CNTLN: variants seen among roughly 807,000 people sequenced by gnomAD.
The protein encoded by CNTLN is centlein.
In CNTLN, 212 loss-of-function variants were observed where a neutral mutation model predicts 180.0. The ratio of observed to expected loss-of-function variants is 1.18; its 90% CI spans 1.05 to 1.32. The LOEUF (loss-of-function observed/expected upper bound fraction) is 1.32. CNTLN is among the 40% of genes most tolerant of loss of function. CNTLN has a pLI of 0.00. For missense variants in CNTLN, 2,095 were observed against 1,610.9 expected, an observed-to-expected ratio of 1.30 and a Z score of -5.14; for synonymous variants, 722 against 563.1, an observed-to-expected ratio of 1.28 and a Z score of -3.99.
At chr9:17,428,450 A>G (rs1424711078) in intron 18 of CNTLN, among the ~76,000 whole-genome samples, 2 of 152,224 alleles carry the variant, frequency 1.3e-5, no homozygotes, top group Admixed American at 6.5e-5. Context: ...ATTAACTTGT[A>G]TAAGTTCATA....
At chr9:17,295,188 C>T (rs1817787549) in intron 6 of CNTLN, among the ~76,000 whole-genome samples, 1 of 152,036 alleles carries the variant, frequency 6.6e-6, no homozygotes. Flanking sequence ...TGCACGCAGC[C>T]CCAGTTCCCG....
intron 14 of CNTLN, among the ~76,000 whole-genome samples, chr9:17,388,862 A>C (rs2133669406): frequency 6.6e-6 from 1 of 151,952 alleles, no homozygotes; most frequent in Non-Finnish European, 1.5e-5. Flanking sequence ...TACCTTTATA[A>C]TTTTATACTT....
intron 23 of CNTLN, among the ~76,000 whole-genome samples, chr9:17,469,658 A>C (rs1831947960): frequency 1.3e-5 from 2 of 151,828 alleles, no homozygotes; most frequent in South Asian, 4.2e-4. Flanking sequence ...CTGAAGTCTA[A>C]TCTTCTTTCC....
chr9:17,356,063 CAAAA>C (rs71492915), intron 12 of CNTLN, among the ~76,000 whole-genome samples: 95 of 19,602 alleles, frequency 4.8e-3, no homozygotes, highest in Non-Finnish European at 8.3e-3. Flanking sequence ...GACTCCATCT[CAAAA>C]AAAAAAAAAA....
At chr9:17,390,235 CT>C (rs35329298) in intron 14 of CNTLN, among the ~76,000 whole-genome samples, 17 of 77,408 alleles carry the variant, frequency 2.2e-4, no homozygotes, top group South Asian at 1.1e-3. Context: ...AAAAGAGCCT[CT>C]TTTTTTTTTT....
chr9:17,307,550 G>A (rs1457347179), intron 7 of CNTLN, among the ~76,000 whole-genome samples: 2 of 152,056 alleles, frequency 1.3e-5, no homozygotes, highest in African/African-American at 2.4e-5. Flanking sequence ...GATTACAGGC[G>A]TGAGCCACCT....
At chr9:17,158,238 A>G (rs1819434373) in intron 2 of CNTLN, among the ~76,000 whole-genome samples, 1 of 152,172 alleles carries the variant, frequency 6.6e-6, no homozygotes, top group Admixed American at 6.5e-5. Flanking sequence ...TTGCATCTGT[A>G]GGATAAATTC....
intron 8 of CNTLN, among the ~76,000 whole-genome samples, chr9:17,319,292 C>G (rs1819748011): frequency 6.6e-6 from 1 of 152,166 alleles, no homozygotes; most frequent in African/African-American, 2.4e-5. Context: ...TAGTTATTAT[C>G]CTAATTCAGT....
At chr9:17,222,316 C>A (rs1824188868) in intron 2 of CNTLN, among the ~76,000 whole-genome samples, 1 of 152,008 alleles carries the variant, frequency 6.6e-6, no homozygotes, top group Non-Finnish European at 1.5e-5. Context: ...AAGATATCAA[C>A]TACTGACCTT....
At chr9:17,200,847 G>C (rs1822473147) in intron 2 of CNTLN, among the ~76,000 whole-genome samples, 1 of 152,070 alleles carries the variant, frequency 6.6e-6, no homozygotes, top group Non-Finnish European at 1.5e-5. Flanking sequence ...TGATTGCCCT[G>C]GCCAGATCTT....
intron 25 of CNTLN, among the ~76,000 whole-genome samples, chr9:17,488,140 T>G (rs1296345542): frequency 6.6e-6 from 1 of 152,166 alleles, no homozygotes. Flanking sequence ...TTTCCGTGCT[T>G]TTAGTAAAGT....
intron 5 of CNTLN, among the ~76,000 whole-genome samples, chr9:17,251,179 C>T (rs1826118582): frequency 6.6e-6 from 1 of 151,880 alleles, no homozygotes. Flanking sequence ...AAGATTGTCT[C>T]TTTTTTGTAG....
intron 2 of CNTLN, among the ~76,000 whole-genome samples, chr9:17,178,736 G>C (rs1030669942): frequency 6.6e-6 from 1 of 151,980 alleles, no homozygotes; most frequent in African/African-American, 2.4e-5. Flanking sequence ...CAAGGGTTGC[G>C]GGCAGCCCCA....
rs984148484 is a variant in CNTLN, at chr9:17,153,039, G to A, written c.449+9663G>A. Among the ~76,000 whole-genome samples the A allele has an allele frequency of 2.6e-5, 4 of 151,980 alleles. No homozygotes were observed. In the East Asian group the frequency reaches 7.7e-4, roughly 29 times the overall value. On this transcript the variant is annotated intron_variant, in intron 2 of 25. Coordinates refer to ENST00000380647, the MANE Select transcript of CNTLN (RefSeq NM_017738.4). ...ATATTCTTCCATCCCTGTATTTTGAGCCTATGTGTGTCTTTGCACATGAGA... is the reference window on the plus strand; with the variant it reads ...ATATTCTTCCATCCCTGTATTTTGAACCTATGTGTGTCTTTGCACATGAGA...
chr9:17,148,230 C>G (rs1818591435), intron 2 of CNTLN, among the ~76,000 whole-genome samples: 1 of 152,152 alleles, frequency 6.6e-6, no homozygotes, highest in Non-Finnish European at 1.5e-5. Flanking sequence ...AGATATCATG[C>G]TATTTTACCT....
At chr9:17,514,733 C>G in the CNTLN span, among the ~76,000 whole-genome samples, 4 of 152,162 alleles carry the variant, frequency 2.6e-5, no homozygotes, top group African/African-American at 9.7e-5. Context: ...AAGCCATAGA[C>G]TCCTGAGCAA....
chr9:17,454,399 G>A (rs184169997), intron 18 of CNTLN, among the ~76,000 whole-genome samples: 343 of 152,282 alleles, frequency 2.3e-3, no homozygotes, highest in African/African-American at 7.6e-3. Flanking sequence ...TTGCACTGCT[G>A]CGGATATAGA....
At chr9:17,440,890 A>T (rs989794526) in intron 18 of CNTLN, among the ~76,000 whole-genome samples, 3 of 152,204 alleles carry the variant, frequency 2.0e-5, no homozygotes, top group African/African-American at 4.8e-5. Context: ...AGAAAAGGCA[A>T]AATCCATAGA....
intron 23 of CNTLN, 31 bp from the exon 24 acceptor site, chr9:17,484,264 A>G (rs372975091): frequency 6.5e-7 from 1 of 1,535,248 alleles, no homozygotes; most frequent in African/African-American, 1.4e-5. Flanking sequence ...TGACTTTAAT[A>G]TAAGCTCAAT....
Sources: gnomAD v4.1 joint callset for allele counts (sites outside exome capture counted in the v4.1 genomes callset) on GRCh38, gnomAD v4.1.1 for gene constraint, MANE v1.5 for transcripts, NCBI Gene and HGNC (gene_info 2026-07-23, HGNC 2026-07-21) for gene names.